Variants in TAFA2 observed in about 807,000 individuals in gnomAD.
TAFA2 encodes the protein TAFA chemokine like family member 2, also known as chemokine-like protein TAFA-2.
Under a neutral mutation model 18.8 loss-of-function variants are expected in TAFA2, and 7 were observed. That is an observed-to-expected ratio of 0.37 (90% CI 0.21 to 0.70). The LOEUF (loss-of-function observed/expected upper bound fraction) is 0.70, where lower values mean the gene tolerates loss of function less well. Ranked by LOEUF, TAFA2 falls within the 30% of genes least tolerant of loss-of-function variation. The probability of loss-of-function intolerance (pLI) is 0.53; values close to 1 mark genes in which losing one functional copy is unlikely to be tolerated. For synonymous variants in TAFA2, 60 were observed against 54.2 expected (o/e 1.11, Z -0.47); for missense variants, 122 against 158.1 (o/e 0.77, Z 1.23).
intron 1 of TAFA2, among the ~76,000 whole-genome samples, chr12:62,248,832 T>C (rs1455762262): frequency 6.6e-6 from 1 of 152,170 alleles, no homozygotes; most frequent in Non-Finnish European, 1.5e-5. Context: ...TACATTAACA[T>C]TGTTGTGCAC....
chr12:61,983,403 T>TTTTGG (rs1283945718), intron 1 of TAFA2, among the ~76,000 whole-genome samples: 8 of 151,694 alleles, frequency 5.3e-5, no homozygotes, highest in Non-Finnish European at 4.4e-5. Flanking sequence ...TTTTGTTTTG[T>TTTTGG]TTTGTTTTGT....
At chr12:62,184,634 T>A (rs2062573841) in intron 1 of TAFA2, among the ~76,000 whole-genome samples, 1 of 150,362 alleles carries the variant, frequency 6.7e-6, no homozygotes, top group Non-Finnish European at 1.5e-5. Context: ...TAGCTGGGAC[T>A]ACAGGCACAC....
intron 1 of TAFA2, among the ~76,000 whole-genome samples, chr12:62,230,042 A>G (rs1032611814): frequency 6.6e-6 from 1 of 151,826 alleles, no homozygotes; most frequent in Non-Finnish European, 1.5e-5. Flanking sequence ...GTCTTTAATG[A>G]TCCTTTGCAT....
chr12:61,924,762 G>A (rs1877205857), intron 1 of TAFA2, among the ~76,000 whole-genome samples: 1 of 152,114 alleles, frequency 6.6e-6, no homozygotes, highest in African/African-American at 2.4e-5. Context: ...AAGTAAATGG[G>A]CTAAATGCCC....
intron 1 of TAFA2, among the ~76,000 whole-genome samples, chr12:62,161,397 T>TG (rs1375184438): frequency 1.3e-5 from 2 of 152,210 alleles, no homozygotes; most frequent in African/African-American, 4.8e-5. Flanking sequence ...TCATGTGTTT[T>TG]GCAGCAACAT....
intron 1 of TAFA2, among the ~76,000 whole-genome samples, chr12:62,167,668 G>C (rs1315027106): frequency 1.3e-5 from 2 of 152,060 alleles, no homozygotes; most frequent in African/African-American, 2.4e-5. Flanking sequence ...CACTGGAAAG[G>C]CTTTGAAATA....
intron 2 of TAFA2, among the ~76,000 whole-genome samples, chr12:61,801,299 G>C (rs12300921): frequency 0.046 from 6,988 of 152,054 alleles, 510 homozygotes; most frequent in African/African-American, 0.16. Flanking sequence ...CCACAAAAGA[G>C]ACCAAGTATC....
At position 62,132,332 on chromosome 12, in the gene TAFA2, G is replaced by C. The variant is rs375394667; in HGVS notation, c.-2+58927C>G. The stretch of plus-strand genomic sequence containing the variant: ...AAAAAATGAGTTTCCAGGAGACACT[G>C]AGGGTATCTCCCCAGTATCTATTTC... On this transcript the variant is annotated intron_variant, in intron 1 of 4. Coordinates refer to ENST00000416284, the MANE Select transcript of TAFA2 (RefSeq NM_178539.5). Among the ~76,000 whole-genome samples, 3 of 151,570 alleles carry C rather than the reference G, an allele frequency of 2.0e-5. No individual in the cohort carries two copies. In the East Asian group the frequency reaches 5.8e-4, roughly 29 times the overall value.
intron 1 of TAFA2, among the ~76,000 whole-genome samples, chr12:62,201,384 G>C (rs761597439): frequency 7.2e-5 from 11 of 152,038 alleles, no homozygotes; most frequent in Non-Finnish European, 1.5e-4. Context: ...TGTCATAAAA[G>C]GTTCTTTTTA....
At chr12:61,957,792 A>G (rs1332909942) in intron 1 of TAFA2, among the ~76,000 whole-genome samples, 2 of 152,054 alleles carry the variant, frequency 1.3e-5, no homozygotes, top group Non-Finnish European at 2.9e-5. Context: ...GTCTGCTGGA[A>G]AGTTTGGAGA....
intron 1 of TAFA2, among the ~76,000 whole-genome samples, chr12:61,891,661 A>G (rs1875642807): frequency 6.6e-6 from 1 of 152,142 alleles, no homozygotes; most frequent in Non-Finnish European, 1.5e-5. Flanking sequence ...AAAAGAAAAG[A>G]AAAGAAAAAA....
intron 1 of TAFA2, among the ~76,000 whole-genome samples, chr12:61,956,963 A>G (rs564241462): frequency 6.6e-6 from 1 of 152,260 alleles, no homozygotes; most frequent in East Asian, 1.9e-4. Flanking sequence ...TGCAGTGACT[A>G]TCTTCAAATG....
chr12:61,976,377 T>C (rs1254537624), intron 1 of TAFA2, among the ~76,000 whole-genome samples: 1 of 151,924 alleles, frequency 6.6e-6, no homozygotes, highest in African/African-American at 2.4e-5. Flanking sequence ...CAACGTATTT[T>C]GATATTTCTG....
rs563415479 is a variant in TAFA2, at chr12:62,102,319, C to T, written c.-2+88940G>A. Among the ~76,000 whole-genome samples, 4 of 152,278 alleles carry T rather than the reference C, an allele frequency of 2.6e-5. No individual in the cohort carries two copies. The South Asian group carries it at 8.3e-4, about 32-fold the overall frequency. ...TCCATTAAAAAATCAGCTGCAATATCATGACTTTTCAACAGTTCATGTTGT... is the reference window on the plus strand; with the variant it reads ...TCCATTAAAAAATCAGCTGCAATATTATGACTTTTCAACAGTTCATGTTGT... On this transcript the variant is annotated intron_variant, in intron 1 of 4. Transcript: ENST00000416284.
At chr12:61,943,323 C>A (rs548929593) in intron 1 of TAFA2, among the ~76,000 whole-genome samples, 2 of 149,992 alleles carry the variant, frequency 1.3e-5, no homozygotes, top group African/African-American at 2.5e-5. Flanking sequence ...TGGAAAGGAA[C>A]AACCGGTACC....
At chr12:61,797,074 G>A (rs140667353) in intron 2 of TAFA2, among the ~76,000 whole-genome samples, 14 of 152,244 alleles carry the variant, frequency 9.2e-5, no homozygotes, top group African/African-American at 3.4e-4. Flanking sequence ...TTACCACACA[G>A]ATGTCAGACT....
chr12:62,072,999 A>G (rs1489391933), intron 1 of TAFA2, among the ~76,000 whole-genome samples: 1 of 152,228 alleles, frequency 6.6e-6, no homozygotes, highest in Non-Finnish European at 1.5e-5. Context: ...GTTCCCATCT[A>G]AAGCCAGTGA....
At chr12:61,997,841 T>C (rs574969314) in intron 1 of TAFA2, among the ~76,000 whole-genome samples, 3 of 152,212 alleles carry the variant, frequency 2.0e-5, no homozygotes, top group East Asian at 1.9e-4. Flanking sequence ...CAAAAAGCTG[T>C]TCATATTTGA....
At chr12:62,060,720 T>C (rs887575021) in intron 1 of TAFA2, among the ~76,000 whole-genome samples, 3 of 152,172 alleles carry the variant, frequency 2.0e-5, no homozygotes, top group African/African-American at 7.2e-5. Context: ...GGACAAGATA[T>C]GGAGGCTGCA....
Sources: allele counts gnomAD v4.1 joint callset (sites outside exome capture counted in the v4.1 genomes callset), GRCh38; gene constraint gnomAD v4.1.1; transcripts MANE v1.5; gene names NCBI Gene and HGNC (gene_info 2026-07-23, HGNC 2026-07-21).